Variants in GPATCH1 observed in about 807,000 individuals in gnomAD.
The protein encoded by GPATCH1 is G patch domain-containing protein 1.
GPATCH1 carries 73 observed loss-of-function variants against 114.9 expected under a neutral mutation model. That is an observed-to-expected ratio of 0.64 (90% confidence interval 0.53 to 0.77). The LOEUF (loss-of-function observed/expected upper bound fraction) is 0.77, where lower values mean the gene tolerates loss of function less well. Ranked by LOEUF, GPATCH1 falls within the 30% of genes least tolerant of loss-of-function variation. GPATCH1 has a pLI of 0.00. For synonymous variants in GPATCH1, 391 were observed against 428.4 expected (o/e 0.91, Z 1.08); for missense variants, 1,058 against 1,144.3 (o/e 0.92, Z 1.09).
chr19:33,123,750 A>AT lies in GPATCH1; in HGVS notation c.2522-1355_2522-1354insT, dbSNP rs200663170. The stretch of plus-strand genomic sequence containing the variant: ...GAGACAGAGCGAGAACCTAAAAAAA[A>AT]AAATAAATAAAGAAATAGGACTACA... On this transcript the variant is annotated intron_variant, in intron 17 of 19. Coordinates refer to ENST00000170564, the MANE Select transcript of GPATCH1 (RefSeq NM_018025.3). Among the ~76,000 whole-genome samples, 1,012 of 152,276 alleles carry AT rather than the reference A, an allele frequency of 6.6e-3. 14 individuals are homozygous for AT. Among genetic ancestry groups the AT allele is most frequent in the African/African-American group, 0.023 (966 of 41,572 alleles).
At chr19:33,089,914 C>G (rs545892525) in intron 2 of GPATCH1, among the ~76,000 whole-genome samples, 1 of 151,386 alleles carries the variant, frequency 6.6e-6, no homozygotes, top group Non-Finnish European at 1.5e-5. Context: ...GCCACCATGC[C>G]CGGCCTTACC....
chr19:33,087,683 ATT>A (rs147397881), intron 1 of GPATCH1, among the ~76,000 whole-genome samples: 30 of 137,942 alleles, frequency 2.2e-4, no homozygotes, highest in Admixed American at 2.2e-4. Flanking sequence ...TGACATTATA[ATT>A]TTTTTTTTTT....
At chr19:33,122,495 T>A (rs1972996807) in intron 17 of GPATCH1, among the ~76,000 whole-genome samples, 1 of 152,004 alleles carries the variant, frequency 6.6e-6, no homozygotes, top group African/African-American at 2.4e-5. Flanking sequence ...TGCCTAATTT[T>A]TTTATTTTTA....
At chr19:33,102,832 T>A (rs1972742341) in intron 9 of GPATCH1, among the ~76,000 whole-genome samples, 1 of 152,228 alleles carries the variant, frequency 6.6e-6, no homozygotes, top group Non-Finnish European at 1.5e-5. Context: ...GAAAGCTGGA[T>A]AACCCATAGC....
At chr19:33,091,386 C>G (rs995697974) in intron 3 of GPATCH1, among the ~76,000 whole-genome samples, 34 of 140,450 alleles carry the variant, frequency 2.4e-4, no homozygotes, top group African/African-American at 9.1e-4. Flanking sequence ...TGCACTCCAG[C>G]CTGGGCGACA....
chr19:33,084,723 C>T (rs562644425), intron 1 of GPATCH1, among the ~76,000 whole-genome samples: 3 of 150,766 alleles, frequency 2.0e-5, no homozygotes, highest in Admixed American at 6.7e-5. Context: ...TGCAATGGCA[C>T]GATCTTTGCT....
intron 10 of GPATCH1, among the ~76,000 whole-genome samples, chr19:33,108,061 C>T (rs1972806984): frequency 6.6e-6 from 1 of 151,970 alleles, no homozygotes; most frequent in Non-Finnish European, 1.5e-5. Flanking sequence ...CCTCCCTGAC[C>T]CTCCTTGGCC....
Position 33,096,199 on chromosome 19 carries a change from G to A in GPATCH1, c.613-8G>A, listed in dbSNP as rs1343994797. ...GACTCACCTTAATTCCACTTTAAAC[G>A]GAAATAGGGTGAAGATGATGACTAC... On this transcript the variant is annotated splice_region_variant and splice_polypyrimidine_tract_variant and intron_variant, in intron 6 of 19. Coordinates refer to ENST00000170564, the MANE Select transcript of GPATCH1 (RefSeq NM_018025.3). 4.3e-6 allele frequency: 7 copies of A among 1,610,472 alleles called. No individual in the cohort carries two copies. Among genetic ancestry groups the A allele is most frequent in the East Asian group, 2.2e-5 (1 of 44,852 alleles).
intron 19 of GPATCH1, among the ~76,000 whole-genome samples, chr19:33,127,164 C>G (rs1224201115): frequency 6.6e-6 from 1 of 150,698 alleles, no homozygotes; most frequent in African/African-American, 2.4e-5. Context: ...TGTGTATTAA[C>G]TAGGCTTTTT....
intron 7 of GPATCH1, 89 bp downstream of exon 7, chr19:33,096,535 CT>C (rs924598797): frequency 4.0e-4 from 440 of 1,089,330 alleles, no homozygotes; most frequent in Non-Finnish European, 3.4e-4. Flanking sequence ...TCTTTATTTT[CT>C]TTTTTTTTCC....
intron 10 of GPATCH1, among the ~76,000 whole-genome samples, chr19:33,109,481 C>A (rs1972824449): frequency 6.6e-6 from 1 of 152,034 alleles, no homozygotes; most frequent in Admixed American, 6.6e-5. Flanking sequence ...CCATTGCACT[C>A]CAGGCTGGGC....
In GPATCH1 at chr19:33,104,001, A is replaced by G. The variant is rs191305582; in HGVS notation, c.1080+2427A>G. 4.6e-5 allele frequency among the ~76,000 whole-genome samples: 7 copies of G among 152,242 alleles called. No individual in the cohort carries two copies. The East Asian group carries it at 1.4e-3, about 29-fold the overall frequency. On this transcript the variant is annotated intron_variant, in intron 9 of 19. Transcript: ENST00000170564. The stretch of plus-strand genomic sequence containing the variant: ...CTAGATCTGAATCTAGAGGTCAAAC[A>G]GAACAATGATTTGGCAGACAGACAG...
chr19:33,084,403 A>C (rs1972512911), intron 1 of GPATCH1, among the ~76,000 whole-genome samples: 1 of 152,136 alleles, frequency 6.6e-6, no homozygotes. Context: ...AGACACTTCC[A>C]CTTGGTTCTA....
chr19:33,084,383 T>G (rs1972512700), intron 1 of GPATCH1, among the ~76,000 whole-genome samples: 1 of 152,180 alleles, frequency 6.6e-6, no homozygotes, highest in Non-Finnish European at 1.5e-5. Flanking sequence ...TACTTACCTA[T>G]TCTTTCCTTA....
rs1480179082 is a variant in GPATCH1, at chr19:33,112,603, C to A, written c.1882C>A (p.Pro628Thr). Reference protein sequence around the residue: ...LLCKRFNVPDPYPDSTLVGLP... With the variant: ...LLCKRFNVPDTYPDSTLVGLP... Reference sequence around the variant, plus strand: ...ATGTAAGAGATTTAATGTCCCTGACCCTTATCCAGAGTAAGTTGGATAAAC... The same window carrying A: ...ATGTAAGAGATTTAATGTCCCTGACACTTATCCAGAGTAAGTTGGATAAAC... Residue 628 changes from proline to threonine, a missense_variant, in exon 13 of 20, where the codon CCT becomes ACT. Coordinates refer to ENST00000170564, the MANE Select transcript of GPATCH1 (RefSeq NM_018025.3). 6.2e-7 allele frequency: 1 copy of A among 1,613,516 alleles called. No homozygotes were observed. The highest frequency in any genetic ancestry group is 1.3e-5 in the African/African-American group (1 of 74,986).
intron 19 of GPATCH1, among the ~76,000 whole-genome samples, chr19:33,129,439 T>G (rs913679945): frequency 3.3e-5 from 5 of 151,252 alleles, no homozygotes; most frequent in Non-Finnish European, 7.4e-5. Context: ...AAAAGACAAC[T>G]TGGATGCTTT....
intron 1 of GPATCH1, among the ~76,000 whole-genome samples, chr19:33,087,764 A>G (rs1467028102): frequency 1.4e-5 from 2 of 147,722 alleles, no homozygotes; most frequent in Non-Finnish European, 3.0e-5. Context: ...GCTCACTGCA[A>G]CCTCCACCTC....
intron 1 of GPATCH1, among the ~76,000 whole-genome samples, chr19:33,084,833 G>A (rs1052681003): frequency 2.6e-5 from 4 of 151,386 alleles, no homozygotes; most frequent in Non-Finnish European, 5.9e-5. Context: ...GCTAATTTTT[G>A]TATTTTTAGT....
intron 9 of GPATCH1, among the ~76,000 whole-genome samples, chr19:33,101,797 AG>A (rs1470353802): frequency 2.0e-5 from 3 of 152,150 alleles, no homozygotes; most frequent in Admixed American, 1.3e-4. Flanking sequence ...TGGGAGGCCA[AG>A]GTGGGTGGAT....
Sources: gnomAD v4.1 joint callset for allele counts (sites outside exome capture counted in the v4.1 genomes callset) on GRCh38, gnomAD v4.1.1 for gene constraint, MANE v1.5 for transcripts, NCBI Gene and HGNC (gene_info 2026-07-23, HGNC 2026-07-21) for gene names.